Variants in CFDP1 observed in about 807,000 individuals in gnomAD.
CFDP1 encodes chromatin remodeling protein CFDP1.
In CFDP1, 31 loss-of-function variants were observed where a neutral mutation model predicts 40.1. The ratio of observed to expected loss-of-function variants is 0.77; its 90% CI spans 0.58 to 1.04. CFDP1 has a LOEUF of 1.04. CFDP1 is among the 50% of genes least tolerant of loss of function. The probability of loss-of-function intolerance (pLI) is 0.00; values close to 1 mark genes in which losing one functional copy is unlikely to be tolerated. For missense variants in CFDP1, 423 were observed against 343.4 expected (o/e 1.23, Z -1.83); for synonymous variants, 167 against 120.0 (o/e 1.39, Z -2.56).
chr16:75,356,553 C>T (rs919920073), intron 5 of CFDP1, among the ~76,000 whole-genome samples: 1 of 152,054 alleles, frequency 6.6e-6, no homozygotes, highest in South Asian at 2.1e-4. Context: ...CTTAAGGGCC[C>T]TAGGATTTTT....
chr16:75,391,720 T>G (rs2078952812), intron 5 of CFDP1, among the ~76,000 whole-genome samples: 1 of 152,202 alleles, frequency 6.6e-6, no homozygotes, highest in Non-Finnish European at 1.5e-5. Flanking sequence ...ACACCTGTAA[T>G]GCCAGCACTT....
At chr16:75,379,069 A>G (rs956915359) in intron 5 of CFDP1, among the ~76,000 whole-genome samples, 5 of 140,364 alleles carry the variant, frequency 3.6e-5, no homozygotes, top group Non-Finnish European at 7.9e-5. Context: ...TGTATCAAAA[A>G]TTGTTGAATA....
At chr16:75,388,665 G>A (rs973779817) in intron 5 of CFDP1, among the ~76,000 whole-genome samples, 4 of 152,162 alleles carry the variant, frequency 2.6e-5, no homozygotes, top group Non-Finnish European at 4.4e-5. Context: ...GCCAAATGAG[G>A]AGACTGGGAG....
At chr16:75,294,099 G>A (rs1262589419) in intron 6 of CFDP1, 57 bp from the exon 7 acceptor site, 10 of 1,293,694 alleles carry the variant, frequency 7.7e-6, no homozygotes, top group East Asian at 2.3e-5. Flanking sequence ...CTCCTCCCCT[G>A]CACAGTCCCA....
intron 5 of CFDP1, among the ~76,000 whole-genome samples, chr16:75,356,995 C>T (rs1772086141): frequency 6.8e-6 from 1 of 148,046 alleles, no homozygotes; most frequent in Non-Finnish European, 1.5e-5. Flanking sequence ...CTCACTGCAA[C>T]CTCCGCCTCC....
At position 75,395,206 on chromosome 16, in the gene CFDP1, T is replaced by A. The variant is rs914191969; in HGVS notation, c.534A>T (p.Val178=). The A allele has an allele frequency of 6.2e-7, 1 of 1,613,174 alleles. No homozygotes were observed. ...VFDFAGEEVR[V]TKEVDATSKE... The stretch of plus-strand genomic sequence containing the variant: ...TAGATGTAGCATCCACTTCCTTAGT[T>A]ACCCTGTGCCAAGGAAAAAGACATC... Residue 178 remains valine, a synonymous_variant, in exon 5 of 7, where the codon GTA becomes GTT. Coordinates refer to ENST00000283882, the MANE Select transcript of CFDP1 (RefSeq NM_006324.3).
At chr16:75,417,527 A>C (rs1597399144) in intron 1 of CFDP1, among the ~76,000 whole-genome samples, 1 of 152,228 alleles carries the variant, frequency 6.6e-6, no homozygotes, top group Admixed American at 6.5e-5. Flanking sequence ...GGAAGAATTA[A>C]GAATATGCTT....
At chr16:75,317,670 C>T (rs1034116091) in intron 5 of CFDP1, among the ~76,000 whole-genome samples, 10 of 152,154 alleles carry the variant, frequency 6.6e-5, no homozygotes, top group African/African-American at 2.4e-4. Context: ...CTAACAAAGA[C>T]CATAATGACA....
chr16:75,411,973 G>T, intron 3 of CFDP1, 21 bp from the exon 4 acceptor site: 2 of 1,575,714 alleles, frequency 1.3e-6, no homozygotes, highest in African/African-American at 1.4e-5. Context: ...AACAAGAAAT[G>T]TAATGTTTCA....
chr16:75,360,374 C>T (rs2078673204), intron 5 of CFDP1, among the ~76,000 whole-genome samples: 1 of 152,178 alleles, frequency 6.6e-6, no homozygotes, highest in South Asian at 2.1e-4. Context: ...GGAATCAGCT[C>T]AAAGACAATG....
At chr16:75,298,908 A>T (rs17674216) in intron 6 of CFDP1, among the ~76,000 whole-genome samples, 27,994 of 152,172 alleles carry the variant, frequency 0.18, 2,756 homozygotes, top group Middle Eastern at 0.23. Flanking sequence ...TGCCGCTCCA[A>T]CTCACAAAAA....
intron 5 of CFDP1, among the ~76,000 whole-genome samples, chr16:75,326,321 T>A (rs975379588): frequency 1.3e-5 from 2 of 152,206 alleles, no homozygotes; most frequent in Non-Finnish European, 2.9e-5. Context: ...AACGCCTTAG[T>A]CCACTCTGGA....
intron 4 of CFDP1, among the ~76,000 whole-genome samples, chr16:75,402,918 T>C (rs2079067599): frequency 7.0e-6 from 1 of 143,128 alleles, no homozygotes; most frequent in African/African-American, 3.0e-5. Context: ...GTTATATATA[T>C]TATATATCTC....
At chr16:75,429,614 C>T (rs2079385451) in intron 1 of CFDP1, among the ~76,000 whole-genome samples, 1 of 152,204 alleles carries the variant, frequency 6.6e-6, no homozygotes, top group African/African-American at 2.4e-5. Flanking sequence ...GATCACGCTA[C>T]TGCACTCCAG....
intron 5 of CFDP1, among the ~76,000 whole-genome samples, chr16:75,364,094 G>C (rs1469010959): frequency 1.3e-5 from 2 of 151,788 alleles, no homozygotes; most frequent in African/African-American, 4.8e-5. Context: ...CTCCCCTCTA[G>C]ATCTATGTGT....
chr16:75,351,679 TC>T (rs1052919458), intron 5 of CFDP1, among the ~76,000 whole-genome samples: 1 of 152,172 alleles, frequency 6.6e-6, no homozygotes, highest in African/African-American at 2.4e-5. Context: ...AAAATACTTA[TC>T]TTTCCTATAT....
At chr16:75,401,167 G>C (rs1398641004) in intron 4 of CFDP1, among the ~76,000 whole-genome samples, 1 of 151,338 alleles carries the variant, frequency 6.6e-6, no homozygotes, top group Non-Finnish European at 1.5e-5. Context: ...AGTGGCTCAC[G>C]CATGTAATCC....
intron 1 of CFDP1, 81 bp downstream of exon 1, chr16:75,433,208 G>T: frequency 7.2e-7 from 1 of 1,391,652 alleles, no homozygotes; most frequent in South Asian, 1.2e-5. Context: ...CCACAGGGCA[G>T]ACGCCCGCGG....
In CFDP1 at chr16:75,293,750, T is replaced by C. The variant is rs1301441032; in HGVS notation, c.*202A>G. 1 of 559,940 alleles carries C rather than the reference T, an allele frequency of 1.8e-6. No homozygotes were observed. The highest frequency in any genetic ancestry group is 3.1e-5 in the East Asian group (1 of 32,764). 34.7% of individuals were successfully genotyped at this position (559,940 alleles called of 1,614,324 possible). A position where few individuals can be genotyped will look rare whatever the true frequency, so the allele number is the denominator to read the frequency against. On this transcript the variant is annotated 3_prime_UTR_variant, in exon 7 of 7. Transcript: ENST00000283882. The stretch of plus-strand genomic sequence containing the variant: ...TCTCACAGGACCAACTTTTATTTTA[T>C]TTATTCATTTAAGGACAAATTTTTA...
Sources: gnomAD v4.1 joint callset for allele counts (sites outside exome capture counted in the v4.1 genomes callset) on GRCh38, gnomAD v4.1.1 for gene constraint, MANE v1.5 for transcripts, NCBI Gene and HGNC (gene_info 2026-07-23, HGNC 2026-07-21) for gene names.